ZDHHC17: variants seen among roughly 807,000 people sequenced by gnomAD.
ZDHHC17 encodes the protein zDHHC palmitoyltransferase 17, also known as palmitoyltransferase ZDHHC17.
Under a neutral mutation model 90.3 loss-of-function variants are expected in ZDHHC17, and 40 were observed. The ratio of observed to expected loss-of-function variants is 0.44; its 90% CI spans 0.34 to 0.58. The LOEUF (loss-of-function observed/expected upper bound fraction) is 0.58, where lower values mean the gene tolerates loss of function less well. ZDHHC17 is among the 20% of genes least tolerant of loss of function. The pLI, the probability that ZDHHC17 is intolerant of heterozygous loss-of-function variation, is 0.01. For missense variants in ZDHHC17, 614 were observed against 780.8 expected, an observed-to-expected ratio of 0.79 and a Z score of 2.55; for synonymous variants, 235 against 252.4, an observed-to-expected ratio of 0.93 and a Z score of 0.65.
intron 7 of ZDHHC17, among the ~76,000 whole-genome samples, chr12:76,816,777 T>C (rs1592484764): frequency 6.6e-6 from 1 of 152,032 alleles, no homozygotes; most frequent in African/African-American, 2.4e-5. Context: ...ACTTCTAAAA[T>C]AAAATAGTTT....
chr12:76,815,772 A>T (rs1225351362), intron 6 of ZDHHC17, 85 bp from the exon 7 acceptor site: 3 of 1,349,212 alleles, frequency 2.2e-6, no homozygotes, highest in African/African-American at 1.5e-5. Flanking sequence ...TACTGTAAGC[A>T]TAATCAGTTT....
At chr12:76,826,294 T>C (rs1953228870) in intron 8 of ZDHHC17, among the ~76,000 whole-genome samples, 1 of 152,200 alleles carries the variant, frequency 6.6e-6, no homozygotes, top group Non-Finnish European at 1.5e-5. Context: ...CTTACAAGTA[T>C]GGACTTTAAC....
chr12:76,776,336 G>T (rs1056956593), intron 1 of ZDHHC17, among the ~76,000 whole-genome samples: 6 of 152,044 alleles, frequency 3.9e-5, no homozygotes, highest in South Asian at 4.1e-4. Flanking sequence ...AGTACAGAAG[G>T]ATATATAGTT....
chr12:76,805,785 T>C (rs1217809947), intron 3 of ZDHHC17, among the ~76,000 whole-genome samples: 2 of 152,160 alleles, frequency 1.3e-5, no homozygotes, highest in African/African-American at 2.4e-5. Flanking sequence ...CTAATAAAGG[T>C]TGGAGTCAGG....
chr12:76,814,172 TC>T (rs1199469400), intron 5 of ZDHHC17, among the ~76,000 whole-genome samples: 1 of 151,506 alleles, frequency 6.6e-6, no homozygotes, highest in Non-Finnish European at 1.5e-5. Context: ...CTGATAAGAG[TC>T]CCTGATACAT....
At chr12:76,804,768 G>A (rs1952935688) in intron 2 of ZDHHC17, among the ~76,000 whole-genome samples, 1 of 152,188 alleles carries the variant, frequency 6.6e-6, no homozygotes, top group African/African-American at 2.4e-5. Context: ...ATTGCCTGCT[G>A]TAGCTGCCCT....
At chr12:76,819,866 G>A (rs544184588) in intron 7 of ZDHHC17, among the ~76,000 whole-genome samples, 1 of 152,094 alleles carries the variant, frequency 6.6e-6, no homozygotes, top group African/African-American at 2.4e-5. Context: ...GGTGGTACAT[G>A]TCTGTAATCC....
chr12:76,787,054 A>G (rs1952696041), intron 1 of ZDHHC17, among the ~76,000 whole-genome samples: 1 of 152,234 alleles, frequency 6.6e-6, no homozygotes, highest in Non-Finnish European at 1.5e-5. Context: ...CAAACATTTA[A>G]AAAACCAAAA....
intron 1 of ZDHHC17, among the ~76,000 whole-genome samples, chr12:76,768,552 G>T (rs1026427267): frequency 6.6e-6 from 1 of 152,190 alleles, no homozygotes; most frequent in African/African-American, 2.4e-5. Context: ...AACACTGGAC[G>T]ATTCAAATAA....
In ZDHHC17 at chr12:76,764,275, C is replaced by G; in HGVS notation, c.39C>G (p.Asp13Glu). Reference sequence around the variant, plus strand: ...AGGGATTTAACACCAAGATGGCGGACGGCCCGGATGAGTACGATACCGAAG... The same window carrying G: ...AGGGATTTAACACCAAGATGGCGGAGGGCCCGGATGAGTACGATACCGAAG... Reference protein sequence around the residue: ...REEGFNTKMADGPDEYDTEAG... With the variant: ...REEGFNTKMAEGPDEYDTEAG... Residue 13 changes from aspartate (D) to glutamate (E), a missense_variant, in exon 1 of 17, where the codon GAC (aspartate) becomes GAG (glutamate). Coordinates refer to ENST00000426126, the MANE Select transcript of ZDHHC17 (RefSeq NM_015336.4). 6.2e-7 allele frequency: 1 copy of G among 1,606,948 alleles called. No homozygotes were observed. Among genetic ancestry groups the G allele is most frequent in the Non-Finnish European group, 8.5e-7 (1 of 1,176,866 alleles).
chr12:76,828,808 A>G (rs1953261769), intron 10 of ZDHHC17, among the ~76,000 whole-genome samples: 1 of 151,842 alleles, frequency 6.6e-6, no homozygotes, highest in Admixed American at 6.6e-5. Context: ...TTTGTTCCAT[A>G]TTTTTTATTT....
intron 7 of ZDHHC17, chr12:76,820,980 A>C: frequency 1.2e-6 from 1 of 867,210 alleles, no homozygotes; most frequent in Non-Finnish European, 1.6e-6. Context: ...GCTGAATAAA[A>C]GAACTATACA....
intron 10 of ZDHHC17, among the ~76,000 whole-genome samples, chr12:76,837,938 C>T (rs1953388729): frequency 6.6e-6 from 1 of 152,078 alleles, no homozygotes; most frequent in African/African-American, 2.4e-5. Flanking sequence ...TAGGTGCATG[C>T]CACCATGTCC....
rs536268692 is a variant in ZDHHC17, at chr12:76,850,719, C to T, written c.1761-128C>T. ...TATTTTATAGAGTTATGAATTGGTT[C>T]CTTCTTGCAAGTAACCTGAGTTTTT... On this transcript the variant is annotated intron_variant, in intron 16 of 16. Coordinates refer to ENST00000426126, the MANE Select transcript of ZDHHC17 (RefSeq NM_015336.4). The T allele has an allele frequency of 3.6e-6, 4 of 1,100,690 alleles. No individual in the cohort carries two copies. The South Asian group carries it at 6.6e-5, about 18-fold the overall frequency. 68.2% of individuals were successfully genotyped at this position (1,100,690 alleles called of 1,614,324 possible). A position where few individuals can be genotyped will look rare whatever the true frequency, so the allele number is the denominator to read the frequency against.
rs1374784268 is a variant in ZDHHC17 at position 76,809,139 on chromosome 12, A to AT, written c.398+26dup. 1.3e-6 allele frequency: 2 copies of AT among 1,519,384 alleles called. No homozygotes were observed. The highest frequency in any genetic ancestry group is 1.8e-6 in the Non-Finnish European group (2 of 1,137,376). 94.1% of individuals were successfully genotyped at this position (1,519,384 alleles called of 1,614,324 possible). On this transcript the variant is annotated intron_variant, in intron 4 of 16. Transcript: ENST00000426126. ...CCACAAGGTTTAAATTTGCTTCTGG[A>AT]TTTTTTTCCTTTGGTTCCTTTATTA...
chr12:76,815,260 A>G lies in ZDHHC17; in HGVS notation c.608+50A>G, dbSNP rs1369171706. On this transcript the variant is annotated intron_variant, in intron 6 of 16. Transcript: ENST00000426126. Reference sequence around the variant, plus strand: ...ATTTAGGCCATTTCAGCATAATACAATATGAAGTAAGAGAGAGGAAAAAGC... The same window carrying G: ...ATTTAGGCCATTTCAGCATAATACAGTATGAAGTAAGAGAGAGGAAAAAGC... 6.1e-6 allele frequency: 8 copies of G among 1,301,720 alleles called. No homozygotes were observed. In the African/African-American group the frequency reaches 1.2e-4, roughly 19 times the overall value. 80.6% of individuals were successfully genotyped at this position (1,301,720 alleles called of 1,614,324 possible). A position where few individuals can be genotyped will look rare whatever the true frequency, so the allele number is the denominator to read the frequency against.
chr12:76,777,947 G>A (rs1019869894), intron 1 of ZDHHC17, among the ~76,000 whole-genome samples: 1 of 152,066 alleles, frequency 6.6e-6, no homozygotes, highest in Non-Finnish European at 1.5e-5. Context: ...AGGGGAGAGA[G>A]AAAAAGAGTG....
chr12:76,805,474 T>G, intron 3 of ZDHHC17, 35 bp downstream of exon 3: 1 of 554,178 alleles, frequency 1.8e-6, no homozygotes, highest in South Asian at 3.8e-5. Context: ...TATTAGAACT[T>G]GACTTTTTAT....
intron 16 of ZDHHC17, 71 bp downstream of exon 16, chr12:76,849,541 C>CA: frequency 1.1e-6 from 1 of 898,758 alleles, no homozygotes; most frequent in Non-Finnish European, 1.7e-6. Context: ...GACTCTTTTA[C>CA]TTAGTGATAT....
Sources: allele counts gnomAD v4.1 joint callset (sites outside exome capture counted in the v4.1 genomes callset), GRCh38; gene constraint gnomAD v4.1.1; transcripts MANE v1.5; gene names NCBI Gene and HGNC (gene_info 2026-07-23, HGNC 2026-07-21).